The following FREM1 variants were observed in gnomAD, a reference collection of about 807,000 sequenced individuals.
The protein encoded by FREM1 is FRAS1 related extracellular matrix 1, also known as FRAS1-related extracellular matrix protein 1.
Under a neutral mutation model 210.1 loss-of-function variants are expected in FREM1, and 220 were observed. The ratio of observed to expected loss-of-function variants is 1.05; its 90% CI spans 0.94 to 1.17. The LOEUF is 1.17. Ranked by LOEUF, FREM1 falls within the 50% of genes most tolerant of loss-of-function variation. The pLI is 0.00. For missense variants in FREM1, 3,454 were observed against 2,675.5 expected, an observed-to-expected ratio of 1.29 and a Z score of -6.42; for synonymous variants, 1,189 against 980.2, an observed-to-expected ratio of 1.21 and a Z score of -3.98.
chr9:14,779,861 T>G (rs1049233279), intron 24 of FREM1, among the ~76,000 whole-genome samples: 1 of 152,140 alleles, frequency 6.6e-6, no homozygotes, highest in Non-Finnish European at 1.5e-5. Flanking sequence ...ATGATGCAAT[T>G]TCTAAACATG....
Position 14,863,868 on chromosome 9 carries a change from C to G in FREM1, c.270G>C (p.Lys90Asn), listed in dbSNP as rs1445537322. 1 of 1,613,118 alleles carries G rather than the reference C, an allele frequency of 6.2e-7. No individual in the cohort carries two copies. The highest frequency in any genetic ancestry group is 2.2e-5 in the East Asian group (1 of 44,898). The change falls in exon 3 of 37, where the codon AAG (lysine) becomes AAC (asparagine). Residue 90 changes from lysine to asparagine, a missense_variant. By Grantham distance (94) the Lys-to-Asn change is moderately conservative. Coordinates refer to ENST00000380880, the MANE Select transcript of FREM1 (RefSeq NM_001379081.2). ...FDCHFLPNEV[K>N]YVHNGCPILD... ...GAATTGGACAACCATTGTGAACATACTTGACTTCGTTGGGAAGGAAATGGC... is the reference window on the plus strand; with the variant it reads ...GAATTGGACAACCATTGTGAACATAGTTGACTTCGTTGGGAAGGAAATGGC...
intron 1 of FREM1, among the ~76,000 whole-genome samples, chr9:14,894,353 G>A (rs1360336123): frequency 6.6e-6 from 1 of 152,176 alleles, no homozygotes; most frequent in Non-Finnish European, 1.5e-5. Flanking sequence ...CTTTAATAGT[G>A]GCTGCCCTAA....
Position 14,770,745 on chromosome 9 carries a change from C to T in FREM1, c.4919G>A (p.Gly1640Glu). The part of the protein sequence containing the change: ...ITLLHSPSQV[G>E]LLKNGCYGIY... Reference sequence around the variant, plus strand: ...CCCGTAGCAGCCATTTTTCAGGAGCCCCACTTGAGAAGGGGAATGCAAGAG... The same window carrying T: ...CCCGTAGCAGCCATTTTTCAGGAGCTCCACTTGAGAAGGGGAATGCAAGAG... The change falls in exon 26 of 37, where the codon GGG (glycine) becomes GAG (glutamate). Residue 1640 changes from glycine to glutamate, a missense_variant. Physicochemically the swap from Gly to Glu is moderately conservative, Grantham distance 98. Coordinates refer to ENST00000380880, the MANE Select transcript of FREM1 (RefSeq NM_001379081.2). 1 of 1,613,476 alleles carries T rather than the reference C, an allele frequency of 6.2e-7. No individual in the cohort carries two copies. Among genetic ancestry groups the T allele is most frequent in the Non-Finnish European group, 8.5e-7 (1 of 1,179,672 alleles).
intron 1 of FREM1, among the ~76,000 whole-genome samples, chr9:14,885,722 C>G (rs1381896363): frequency 1.9e-5 from 2 of 106,064 alleles, no homozygotes; most frequent in African/African-American, 6.7e-5. Context: ...AGGTTAATGA[C>G]TTAATTTAGC....
At position 14,842,556 on chromosome 9, in the gene FREM1, A is replaced by G; in HGVS notation, c.1498T>C (p.Phe500Leu). Residue 500 changes from phenylalanine (F) to leucine (L), a missense_variant, in exon 9 of 37, where the codon TTT becomes CTT. Transcript: ENST00000380880. The part of the protein sequence containing the change: ...STKDFVVFRI[F>L]DGHHSIRHKF... ...TGACGGATGCTGTGATGGCCATCAA[A>G]TATCCGGAAGACCACGAAGTCTTTG... 6.2e-7 allele frequency: 1 copy of G among 1,613,978 alleles called. No homozygotes were observed. Among genetic ancestry groups the G allele is most frequent in the Non-Finnish European group, 8.5e-7 (1 of 1,179,844 alleles).
intron 1 of FREM1, among the ~76,000 whole-genome samples, chr9:14,885,262 G>A (rs1026032238): frequency 2.0e-5 from 3 of 152,026 alleles, no homozygotes; most frequent in African/African-American, 7.3e-5. Flanking sequence ...GATCTAGGTA[G>A]TTATCACCAT....
chr9:14,879,795 G>C (rs1318914253), intron 1 of FREM1, among the ~76,000 whole-genome samples: 1 of 152,198 alleles, frequency 6.6e-6, no homozygotes, highest in Admixed American at 6.5e-5. Flanking sequence ...TGTAGATGGA[G>C]ACATGTGTTG....
chr9:14,750,163 T>C lies in FREM1; in HGVS notation c.5521A>G (p.Thr1841Ala). 1 of 1,613,818 alleles carries C rather than the reference T, an allele frequency of 6.2e-7. No homozygotes were observed. The highest frequency in any genetic ancestry group is 8.5e-7 in the Non-Finnish European group (1 of 1,179,798). The stretch of plus-strand genomic sequence containing the variant: ...TCCAAAATTTTCACTGCAGCTTTTG[T>C]CTTTGTGCCAAGAACTGCATTCACA... ...SPVNAVLGTK[T>A]KAAVKILDSK... The change falls in exon 30 of 37, where the codon ACA becomes GCA. Residue 1841 changes from threonine (T) to alanine (A), a missense_variant. Thr to Ala is a moderately conservative substitution (Grantham distance 58). Transcript: ENST00000380880.
chr9:14,784,216 C>A, intron 24 of FREM1, 154 bp downstream of exon 24: 2 of 636,422 alleles, frequency 3.1e-6, no homozygotes, highest in East Asian at 3.1e-5. Flanking sequence ...TTTTAAAAAA[C>A]AAATTTCATT....
intron 23 of FREM1, among the ~76,000 whole-genome samples, chr9:14,786,692 T>C (rs1466908923): frequency 6.6e-6 from 1 of 152,220 alleles, no homozygotes; most frequent in African/African-American, 2.4e-5. Context: ...GGTGCCATGA[T>C]TGGAAAACGC....
intron 5 of FREM1, 131 bp downstream of exon 5, chr9:14,857,422 G>A: frequency 1.2e-6 from 1 of 805,310 alleles, no homozygotes; most frequent in South Asian, 1.4e-5. Flanking sequence ...CAGTTCCAAT[G>A]AGTCGCTGGC....
intron 19 of FREM1, among the ~76,000 whole-genome samples, chr9:14,803,051 TTTC>T (rs1316151289): frequency 5.6e-4 from 74 of 131,248 alleles, no homozygotes; most frequent in Non-Finnish European, 1.0e-3. Flanking sequence ...CTTCTTTCTC[TTTC>T]TTTTTCTTTT....
intron 1 of FREM1, among the ~76,000 whole-genome samples, chr9:14,892,452 C>A (rs748556918): frequency 6.6e-6 from 1 of 152,150 alleles, no homozygotes; most frequent in South Asian, 2.1e-4. Context: ...GACGCTTGAC[C>A]GAACTTGGGT....
intron 14 of FREM1, among the ~76,000 whole-genome samples, 181 bp from the exon 15 acceptor site, chr9:14,817,052 C>G (rs536349439): frequency 4.1e-4 from 62 of 152,288 alleles, no homozygotes; most frequent in Non-Finnish European, 1.0e-4. Context: ...CTCATACATC[C>G]TTGAATGTAA....
At chr9:14,744,394 A>G (rs1168626072) in intron 35 of FREM1, among the ~76,000 whole-genome samples, 1 of 152,086 alleles carries the variant, frequency 6.6e-6, no homozygotes, top group African/African-American at 2.4e-5. Context: ...ACCTCGTGCT[A>G]TTTTCTAGTC....
chr9:14,794,798 G>A (rs1244681605), intron 21 of FREM1, among the ~76,000 whole-genome samples: 1 of 152,080 alleles, frequency 6.6e-6, no homozygotes, highest in Admixed American at 6.6e-5. Flanking sequence ...AGGAGATCGA[G>A]ACCATACTGG....
chr9:14,839,683 C>T lies in FREM1; in HGVS notation c.1881+1764G>A, dbSNP rs573019930. 3.9e-5 allele frequency among the ~76,000 whole-genome samples: 6 copies of T among 152,224 alleles called. No individual in the cohort carries two copies. In the East Asian group the frequency reaches 1.2e-3, roughly 29 times the overall value. ...TTTTCATTACAGAGAAATCTGACAT[C>T]TATACTTGTGTATATGAAGAGCATG... On this transcript the variant is annotated intron_variant, in intron 10 of 36. Coordinates refer to ENST00000380880, the MANE Select transcript of FREM1 (RefSeq NM_001379081.2).
intron 1 of FREM1, among the ~76,000 whole-genome samples, chr9:14,901,046 T>C (rs891771949): frequency 1.2e-4 from 18 of 152,358 alleles, no homozygotes; most frequent in Admixed American, 1.1e-3. Flanking sequence ...TTTAACTTTG[T>C]TCCTTGCTGC....
At position 14,801,754 on chromosome 9, in the gene FREM1, C is replaced by A. The variant is rs772523599; in HGVS notation, c.3592G>T (p.Asp1198Tyr). Reference sequence around the variant, plus strand: ...GAGAAGTCTTTGCTAAACCCCCTATCGATGAGGAGGCCATGGCGTGGCTTT... The same window carrying A: ...GAGAAGTCTTTGCTAAACCCCCTATAGATGAGGAGGCCATGGCGTGGCTTT... ...TQKPRHGLLI[D>Y]RGFSKDFSEN... Residue 1198 changes from aspartate (D) to tyrosine (Y), a missense_variant, in exon 20 of 37, where the codon GAT (aspartate) becomes TAT (tyrosine). By Grantham distance (160) the Asp-to-Tyr change is radical (BLOSUM62 -3). Transcript: ENST00000380880. The A allele has an allele frequency of 1.2e-6, 2 of 1,613,948 alleles. No homozygotes were observed. The highest frequency in any genetic ancestry group is 1.7e-6 in the Non-Finnish European group (2 of 1,179,862).
Sources: gnomAD v4.1 joint callset for allele counts (sites outside exome capture counted in the v4.1 genomes callset) on GRCh38, gnomAD v4.1.1 for gene constraint, MANE v1.5 for transcripts, NCBI Gene and HGNC (gene_info 2026-07-23, HGNC 2026-07-21) for gene names.